The following NPNT variants were observed in gnomAD, a reference collection of about 807,000 sequenced individuals.
NPNT encodes nephronectin, also known as preosteoblast EGF-like repeat protein with MAM domain.
A neutral mutation model predicts 68.6 loss-of-function variants in NPNT; 45 were observed. The observed-to-expected ratio is 0.66, with a 90% CI of 0.52 to 0.84. The LOEUF is 0.84. NPNT is among the 40% of genes least tolerant of loss of function. The pLI, the probability that NPNT is intolerant of heterozygous loss-of-function variation, is 0.00. For missense variants in NPNT, 672 were observed against 714.8 expected (o/e 0.94, Z 0.68); for synonymous variants, 233 against 253.3 (o/e 0.92, Z 0.76).
chr4:105,934,236 G>T (rs1729346103), intron 3 of NPNT, among the ~76,000 whole-genome samples: 1 of 152,102 alleles, frequency 6.6e-6, no homozygotes, highest in Non-Finnish European at 1.5e-5. Context: ...CCAATAGATT[G>T]TGATAATGAA....
chr4:105,957,609 G>A (rs1043440299), intron 8 of NPNT, among the ~76,000 whole-genome samples: 3 of 152,118 alleles, frequency 2.0e-5, no homozygotes, highest in Non-Finnish European at 4.4e-5. Context: ...CATGATTGAT[G>A]CCCTCCAGGA....
In NPNT at chr4:105,969,274, G is replaced by A. The variant is rs1732407210; in HGVS notation, c.*284G>A. 3.5e-6 allele frequency: 1 copy of A among 288,910 alleles called. No homozygotes were observed. 17.9% of individuals were successfully genotyped at this position (288,910 alleles called of 1,614,324 possible). A position where few individuals can be genotyped will look rare whatever the true frequency, so the allele number is the denominator to read the frequency against. Reference sequence around the variant, plus strand: ...TCAGGAAGGCATTCAGCATGCGTGAGCCATACCATCCTCCATCCTGATTAC... The same window carrying A: ...TCAGGAAGGCATTCAGCATGCGTGAACCATACCATCCTCCATCCTGATTAC... On this transcript the variant is annotated 3_prime_UTR_variant, in exon 12 of 12. Transcript: ENST00000379987.
Position 105,895,610 on chromosome 4 carries a change from C to T in NPNT, c.-43C>T. ...TCGGCGCCCACCACCCCAACCTGTT[C>T]CTCGCGCGCCACTGCGCTGCGCCCC... On this transcript the variant is annotated 5_prime_UTR_variant, in exon 1 of 12. Transcript: ENST00000379987. 1.3e-6 allele frequency: 2 copies of T among 1,524,526 alleles called. No individual in the cohort carries two copies. The highest frequency in any genetic ancestry group is 1.8e-6 in the Non-Finnish European group (2 of 1,125,416). The allele number at this position is 1,524,526 out of a possible 1,614,324, so 94.4% of individuals were successfully genotyped here. A position where few individuals can be genotyped will look rare whatever the true frequency, so the allele number is the denominator to read the frequency against.
rs1560547623 is a variant in NPNT, at chr4:105,967,339, GT to G, written c.1500del (p.Phe500LeufsTer2). 6.2e-7 allele frequency: 1 copy of G among 1,611,324 alleles called. No individual in the cohort carries two copies. Among genetic ancestry groups the G allele is most frequent in the Admixed American group, 1.7e-5 (1 of 59,508 alleles). On this transcript the variant is annotated frameshift_variant, in exon 11 of 12. Coordinates refer to ENST00000379987, the MANE Select transcript of NPNT (RefSeq NM_001033047.3). LOFTEE classifies it high-confidence loss of function. ...GGCTGCACTCTGGCACACTCCAGGT[GT>G]TTGTGAGAAAACACGGTGCCCACGG... ...TGLHSGTLQV[F>X]VRKHGAHGAA...
intron 11 of NPNT, 69 bp downstream of exon 11, chr4:105,967,513 A>G: frequency 1.4e-6 from 2 of 1,438,526 alleles, no homozygotes; most frequent in Non-Finnish European, 1.9e-6. Flanking sequence ...TGGGATCTGA[A>G]TTTGAAGAAG....
intron 11 of NPNT, 22 bp from the exon 12 acceptor site, chr4:105,968,873 G>A (rs768362648): frequency 2.8e-6 from 4 of 1,433,050 alleles, no homozygotes; most frequent in South Asian, 1.2e-5. Flanking sequence ...AGGCTTGACT[G>A]GTGTGTGCAT....
Position 105,971,230 on chromosome 4 carries a change from C to A in NPNT, c.*2240C>A. On this transcript the variant is annotated 3_prime_UTR_variant, in exon 12 of 12. Transcript: ENST00000379987. Reference sequence around the variant, plus strand: ...AGTGCCCTGCCCCACACCGGCAGACCTTTCCTTCACCTCATCAGTATGATT... The same window carrying A: ...AGTGCCCTGCCCCACACCGGCAGACATTTCCTTCACCTCATCAGTATGATT... The A allele has an allele frequency of 2.2e-6, 1 of 446,928 alleles. No individual in the cohort carries two copies. Among genetic ancestry groups the A allele is most frequent in the Non-Finnish European group, 4.5e-6 (1 of 221,494 alleles). 27.7% of individuals were successfully genotyped at this position (446,928 alleles called of 1,614,324 possible).
Position 105,968,992 on chromosome 4 carries a change from A to G in NPNT, c.*2A>G. 2 of 1,564,410 alleles carry G rather than the reference A, an allele frequency of 1.3e-6. No individual in the cohort carries two copies. Among genetic ancestry groups the G allele is most frequent in the Non-Finnish European group, 1.8e-6 (2 of 1,135,188 alleles). ...GGCCACTGCTCTGAAGAACGCTAAC[A>G]ACTCCAGAACTAACAATGAACTCCT... is the stretch of plus-strand genomic sequence containing the variant. On this transcript the variant is annotated 3_prime_UTR_variant, in exon 12 of 12. Coordinates refer to ENST00000379987, the MANE Select transcript of NPNT (RefSeq NM_001033047.3).
intron 3 of NPNT, among the ~76,000 whole-genome samples, chr4:105,936,150 A>G (rs1477573397): frequency 6.6e-6 from 1 of 152,160 alleles, no homozygotes; most frequent in East Asian, 1.9e-4. Context: ...AAATTTGTTG[A>G]TTCATTTCAT....
At chr4:105,942,106 TGTG>T (rs1730004925) in intron 7 of NPNT, among the ~76,000 whole-genome samples, 198 bp from the exon 8 acceptor site, 1 of 9,210 alleles carries the variant, frequency 1.1e-4, no homozygotes, top group Non-Finnish European at 3.5e-4. Context: ...TGTGTGTGTC[TGTG>T]TGTGTGTATA....
At chr4:105,929,823 T>C (rs1174191855) in intron 3 of NPNT, among the ~76,000 whole-genome samples, 1 of 152,238 alleles carries the variant, frequency 6.6e-6, no homozygotes, top group Non-Finnish European at 1.5e-5. Flanking sequence ...AAAGACATGC[T>C]AAAAGTATTA....
chr4:105,923,452 T>C (rs1008015530), intron 2 of NPNT, among the ~76,000 whole-genome samples: 1 of 152,186 alleles, frequency 6.6e-6, no homozygotes, highest in African/African-American at 2.4e-5. Context: ...GCTGTCTTGA[T>C]AATAAACACA....
intron 1 of NPNT, among the ~76,000 whole-genome samples, chr4:105,896,484 C>G (rs752774931): frequency 6.6e-6 from 1 of 152,138 alleles, no homozygotes; most frequent in African/African-American, 2.4e-5. Flanking sequence ...CTGGGTCTGT[C>G]GGGAGGGTGT....
At chr4:105,925,615 A>G (rs1728622504) in intron 2 of NPNT, among the ~76,000 whole-genome samples, 1 of 152,188 alleles carries the variant, frequency 6.6e-6, no homozygotes, top group Non-Finnish European at 1.5e-5. Flanking sequence ...ATGGGTTAAA[A>G]TGGGTAGGAA....
In NPNT at chr4:105,971,409, T is replaced by C. The variant is rs17036410; in HGVS notation, c.*2419T>C. The stretch of plus-strand genomic sequence containing the variant: ...ATTAAGCCTTTGAGTAACGGCAGAA[T>C]ATATGGCTGTAGATCCATTTTTAAT... On this transcript the variant is annotated 3_prime_UTR_variant, in exon 12 of 12. Coordinates refer to ENST00000379987, the MANE Select transcript of NPNT (RefSeq NM_001033047.3). 907 of 236,018 alleles carry C rather than the reference T, an allele frequency of 3.8e-3. 6 individuals are homozygous for C. The highest frequency in any genetic ancestry group is 0.017 in the African/African-American group (776 of 45,350). 14.6% of individuals were successfully genotyped at this position (236,018 alleles called of 1,614,324 possible).
intron 2 of NPNT, among the ~76,000 whole-genome samples, chr4:105,909,407 TCTAA>T (rs1198032516): frequency 1.3e-5 from 2 of 152,234 alleles, no homozygotes; most frequent in Non-Finnish European, 2.9e-5. Context: ...AGTTTCATTT[TCTAA>T]CTAAGGCAAA....
intron 2 of NPNT, among the ~76,000 whole-genome samples, chr4:105,906,479 A>G (rs1255719607): frequency 6.7e-6 from 1 of 148,762 alleles, no homozygotes; most frequent in Non-Finnish European, 1.5e-5. Context: ...TTTAAGAAGC[A>G]TTATGTGCAT....
chr4:105,926,430 G>C (rs1445811977), intron 2 of NPNT, among the ~76,000 whole-genome samples: 1 of 152,046 alleles, frequency 6.6e-6, no homozygotes, highest in Non-Finnish European at 1.5e-5. Flanking sequence ...TGTTGTGGCG[G>C]GTTGTCTGAA....
intron 8 of NPNT, among the ~76,000 whole-genome samples, chr4:105,957,556 G>A (rs757821853): frequency 6.6e-6 from 1 of 152,180 alleles, no homozygotes; most frequent in Non-Finnish European, 1.5e-5. Context: ...CTTATTGAGT[G>A]CCTGTCACCA....
Sources: gnomAD v4.1 joint callset for allele counts (sites outside exome capture counted in the v4.1 genomes callset) on GRCh38, gnomAD v4.1.1 for gene constraint, MANE v1.5 for transcripts, NCBI Gene and HGNC (gene_info 2026-07-23, HGNC 2026-07-21) for gene names.